CCSER1: variants seen among roughly 807,000 people sequenced by gnomAD.
CCSER1 encodes serine-rich coiled-coil domain-containing protein 1.
A neutral mutation model predicts 82.0 loss-of-function variants in CCSER1; 41 were observed. The observed-to-expected ratio is 0.50, with a 90% CI of 0.39 to 0.65. CCSER1 has a LOEUF of 0.65. Ranked by LOEUF, CCSER1 falls within the 30% of genes least tolerant of loss-of-function variation. The pLI is 0.00. For missense variants in CCSER1, 1,119 were observed against 1,064.2 expected (o/e 1.05, Z -0.72); for synonymous variants, 414 against 383.9 (o/e 1.08, Z -0.92).
chr4:90,269,404 T>C (rs1442762431), intron 1 of CCSER1, among the ~76,000 whole-genome samples: 1 of 152,038 alleles, frequency 6.6e-6, no homozygotes, highest in Non-Finnish European at 1.5e-5. Flanking sequence ...GTACAACACA[T>C]GGAACTTAAA....
chr4:90,396,691 G>C (rs1363670337), intron 3 of CCSER1, among the ~76,000 whole-genome samples: 1 of 151,660 alleles, frequency 6.6e-6, no homozygotes, highest in African/African-American at 2.4e-5. Flanking sequence ...CATCTAAGTT[G>C]CTTTCCTTAT....
At chr4:90,789,418 A>C (rs1481812423) in intron 7 of CCSER1, among the ~76,000 whole-genome samples, 1 of 152,084 alleles carries the variant, frequency 6.6e-6, no homozygotes, top group African/African-American at 2.4e-5. Context: ...TACTACATGA[A>C]TATCCTAGTG....
intron 10 of CCSER1, among the ~76,000 whole-genome samples, chr4:91,321,292 C>T (rs1193565889): frequency 6.6e-6 from 1 of 152,042 alleles, no homozygotes; most frequent in Admixed American, 6.6e-5. Context: ...ACTGTTAATG[C>T]TAACTATGAA....
At chr4:91,311,237 C>A (rs1226651331) in intron 10 of CCSER1, among the ~76,000 whole-genome samples, 1 of 151,886 alleles carries the variant, frequency 6.6e-6, no homozygotes, top group African/African-American at 2.4e-5. Context: ...TAAGTACCTG[C>A]TAAAAAGCTG....
chr4:90,561,750 A>G (rs371318476), intron 5 of CCSER1, among the ~76,000 whole-genome samples: 15 of 152,324 alleles, frequency 9.8e-5, no homozygotes, highest in African/African-American at 3.6e-4. Flanking sequence ...GCAGCAGGAC[A>G]GTAGTAAGTA....
At chr4:90,984,505 C>T (rs1330285131) in intron 9 of CCSER1, among the ~76,000 whole-genome samples, 3 of 151,656 alleles carry the variant, frequency 2.0e-5, no homozygotes, top group African/African-American at 4.8e-5. Flanking sequence ...AAGACAACTT[C>T]ACACCTTGAA....
chr4:91,143,119 T>C (rs1179873929), intron 10 of CCSER1, among the ~76,000 whole-genome samples: 1 of 152,074 alleles, frequency 6.6e-6, no homozygotes, highest in African/African-American at 2.4e-5. Context: ...GAACATGGAG[T>C]ATTTTTTTCA....
intron 7 of CCSER1, among the ~76,000 whole-genome samples, chr4:90,764,547 A>G (rs1011046112): frequency 2.6e-5 from 4 of 152,140 alleles, no homozygotes; most frequent in African/African-American, 9.7e-5. Context: ...ATGGATCATA[A>G]TGGCAAACCT....
rs988292349 is a variant in CCSER1, at chr4:91,491,949, T to G, written c.2218-106623T>G. ...GAGTAGAATAAGTCATTGCTAATAGTTTTTTTTTTTTTTTTTTGCAATGCG... is the reference window on the plus strand; with the variant it reads ...GAGTAGAATAAGTCATTGCTAATAGGTTTTTTTTTTTTTTTTTGCAATGCG... On this transcript the variant is annotated intron_variant, in intron 10 of 10. Transcript: ENST00000509176. 2.4e-4 allele frequency among the ~76,000 whole-genome samples: 4 copies of G among 16,976 alleles called. No homozygotes were observed. The Admixed American group carries it at 3.0e-3, about 13-fold the overall frequency. The allele number at this position is 16,976 out of a possible 152,430, so 11.1% of individuals were successfully genotyped here.
intron 1 of CCSER1, among the ~76,000 whole-genome samples, chr4:90,131,172 A>AT (rs1722767421): frequency 6.7e-6 from 1 of 150,302 alleles, no homozygotes; most frequent in African/African-American, 2.5e-5. Context: ...TAATTTTTGT[A>AT]TTTACTTTAG....
chr4:90,717,103 A>G (rs1251930079), intron 6 of CCSER1, among the ~76,000 whole-genome samples: 7 of 152,176 alleles, frequency 4.6e-5, no homozygotes, highest in African/African-American at 1.7e-4. Flanking sequence ...AAATTCCACC[A>G]CAATTCCCAG....
In CCSER1 at chr4:91,165,070, T is replaced by C. The variant is rs147709478; in HGVS notation, c.2217+79076T>C. On this transcript the variant is annotated intron_variant, in intron 10 of 10. Coordinates refer to ENST00000509176, the MANE Select transcript of CCSER1 (RefSeq NM_001145065.2). ...TGGTTTCTCCCCATCTTTGTGGTTT[T>C]ATCTACCTTTGGTCTTTGATGCTGG... 2.9e-3 allele frequency among the ~76,000 whole-genome samples: 446 copies of C among 152,352 alleles called. 1 individual carries two copies. The highest frequency in any genetic ancestry group is 6.1e-3 in the Admixed American group (94 of 15,302).
intron 10 of CCSER1, among the ~76,000 whole-genome samples, chr4:91,097,201 A>T (rs558922142): frequency 6.6e-6 from 1 of 152,352 alleles, no homozygotes; most frequent in East Asian, 1.9e-4. Flanking sequence ...ATGTGACTTT[A>T]TATCATGATG....
intron 10 of CCSER1, among the ~76,000 whole-genome samples, chr4:91,104,561 T>C (rs551541050): frequency 6.6e-6 from 1 of 152,328 alleles, no homozygotes; most frequent in Non-Finnish European, 1.5e-5. Flanking sequence ...ATACAAGTCA[T>C]AGTTGTGTTC....
intron 3 of CCSER1, among the ~76,000 whole-genome samples, chr4:90,349,985 G>A (rs573855102): frequency 6.6e-6 from 1 of 152,170 alleles, no homozygotes; most frequent in East Asian, 1.9e-4. Context: ...AAACAGTTCT[G>A]CATCTTTCAT....
At position 91,241,430 on chromosome 4, in the gene CCSER1, A is replaced by C. The variant is rs1242826644; in HGVS notation, c.2217+155436A>C. ...AAGCTCCGCCTCCCAGGTTCACGCC[A>C]TTCTCTTGCCTCAGCCTCCCGAGTA... On this transcript the variant is annotated intron_variant, in intron 10 of 10. Coordinates refer to ENST00000509176, the MANE Select transcript of CCSER1 (RefSeq NM_001145065.2). Among the ~76,000 whole-genome samples, 3 of 140,122 alleles carry C rather than the reference A, an allele frequency of 2.1e-5. No individual in the cohort carries two copies. In the East Asian group the frequency reaches 6.3e-4, roughly 29 times the overall value. The allele number at this position is 140,122 out of a possible 152,430, so 91.9% of individuals were successfully genotyped here. A position where few individuals can be genotyped will look rare whatever the true frequency, so the allele number is the denominator to read the frequency against.
intron 1 of CCSER1, among the ~76,000 whole-genome samples, chr4:90,283,702 A>G (rs1013795185): frequency 1.3e-5 from 2 of 151,930 alleles, no homozygotes; most frequent in African/African-American, 4.8e-5. Flanking sequence ...GTGTATATGG[A>G]TCACATTTTC....
At chr4:91,302,241 T>C (rs1485587114) in intron 10 of CCSER1, among the ~76,000 whole-genome samples, 1 of 151,928 alleles carries the variant, frequency 6.6e-6, no homozygotes, top group Non-Finnish European at 1.5e-5. Context: ...TTTGAATATA[T>C]TCCTCTGCAT....
intron 10 of CCSER1, among the ~76,000 whole-genome samples, chr4:91,572,212 C>T (rs1003680973): frequency 2.6e-5 from 4 of 152,066 alleles, no homozygotes; most frequent in African/African-American, 9.7e-5. Context: ...GCTCCAGTCT[C>T]TAGTCACTTC....
Sources: allele counts gnomAD v4.1 joint callset (sites outside exome capture counted in the v4.1 genomes callset), GRCh38; gene constraint gnomAD v4.1.1; transcripts MANE v1.5; gene names NCBI Gene and HGNC (gene_info 2026-07-23, HGNC 2026-07-21).